The following MDGA2 variants were observed in gnomAD, a reference collection of about 807,000 sequenced individuals.
The protein encoded by MDGA2 is MAM domain containing glycosylphosphatidylinositol anchor 2, also known as MAM domain-containing glycosylphosphatidylinositol anchor protein 2.
MDGA2 carries 40 observed loss-of-function variants against 117.8 expected under a neutral mutation model. The ratio of observed to expected loss-of-function variants is 0.34; its 90% CI spans 0.26 to 0.44. The LOEUF (loss-of-function observed/expected upper bound fraction) is 0.44, where lower values mean the gene tolerates loss of function less well. Ranked by LOEUF, MDGA2 falls within the 20% of genes least tolerant of loss-of-function variation. MDGA2 has a pLI of 1.00. For missense variants in MDGA2, 1,123 were observed against 1,250.6 expected (o/e 0.90, Z 1.54); for synonymous variants, 452 against 439.0 (o/e 1.03, Z -0.37).
chr14:47,154,480 C>T (rs559565648), intron 3 of MDGA2, among the ~76,000 whole-genome samples: 41 of 152,274 alleles, frequency 2.7e-4, no homozygotes, highest in African/African-American at 9.9e-4. Context: ...CAGCAGTGGA[C>T]CCGGACATCC....
At chr14:47,652,003 A>C (rs2138271407) in intron 1 of MDGA2, among the ~76,000 whole-genome samples, 1 of 152,288 alleles carries the variant, frequency 6.6e-6, no homozygotes, top group East Asian at 1.9e-4. Flanking sequence ...TCTGGAGCTC[A>C]GAACAAAGAC....
intron 8 of MDGA2, among the ~76,000 whole-genome samples, chr14:46,986,236 TCA>T (rs917868924): frequency 6.6e-6 from 1 of 152,054 alleles, no homozygotes; most frequent in African/African-American, 2.4e-5. Flanking sequence ...AAGAACAGTG[TCA>T]CACGCAGAAC....
At chr14:47,566,935 G>A (rs1895930499) in intron 1 of MDGA2, among the ~76,000 whole-genome samples, 1 of 150,842 alleles carries the variant, frequency 6.6e-6, no homozygotes, top group South Asian at 2.1e-4. Flanking sequence ...TTGAGAGAAG[G>A]TTTTGCTCTG....
intron 2 of MDGA2, among the ~76,000 whole-genome samples, chr14:47,263,229 T>C (rs1887856827): frequency 6.6e-6 from 1 of 152,126 alleles, no homozygotes. Context: ...TATGTTTTCA[T>C]GTCTCACAAT....
chr14:47,143,683 T>G (rs1882817851), intron 4 of MDGA2, among the ~76,000 whole-genome samples: 1 of 152,054 alleles, frequency 6.6e-6, no homozygotes. Context: ...TTCAAACAAG[T>G]TTCTTCATTT....
chr14:46,971,897 G>A (rs76886307), intron 8 of MDGA2, among the ~76,000 whole-genome samples: 1 of 152,104 alleles, frequency 6.6e-6, no homozygotes, highest in East Asian at 1.9e-4. Context: ...CAGTACAATT[G>A]TTTTAAATCC....
intron 14 of MDGA2, chr14:46,870,875 A>G (rs1310046004): frequency 6.6e-6 from 1 of 151,996 alleles, no homozygotes; most frequent in African/African-American, 2.4e-5. Flanking sequence ...TTTTAAAGTA[A>G]AGCCCTAAAA....
At chr14:47,143,594 A>G (rs1374256808) in intron 4 of MDGA2, among the ~76,000 whole-genome samples, 1 of 152,154 alleles carries the variant, frequency 6.6e-6, no homozygotes, top group Non-Finnish European at 1.5e-5. Flanking sequence ...TTAAAGCTCT[A>G]TTTCTAAACC....
intron 1 of MDGA2, among the ~76,000 whole-genome samples, chr14:47,561,151 TTG>T (rs1491398062): frequency 0.029 from 2,696 of 92,642 alleles, 187 homozygotes; most frequent in Middle Eastern, 0.045. Flanking sequence ...GTTTTTTTTT[TTG>T]TTTTGTTTTG....
At chr14:47,200,951 A>T in intron 3 of MDGA2, 1 of 832,772 alleles carries the variant, frequency 1.2e-6, no homozygotes, top group Non-Finnish European at 2.1e-6. Flanking sequence ...CCGAACTTCA[A>T]CTTGTTTCTG....
chr14:47,599,220 C>G (rs527733890), intron 1 of MDGA2, among the ~76,000 whole-genome samples: 11 of 151,740 alleles, frequency 7.2e-5, no homozygotes, highest in Admixed American at 5.9e-4. Flanking sequence ...TAACTTAAAA[C>G]GAATCTGTTA....
chr14:47,169,202 C>A (rs1207591136), intron 3 of MDGA2, among the ~76,000 whole-genome samples: 1 of 151,918 alleles, frequency 6.6e-6, no homozygotes, highest in Non-Finnish European at 1.5e-5. Context: ...TATATTGAAT[C>A]TCAGCTTACT....
intron 5 of MDGA2, among the ~76,000 whole-genome samples, chr14:47,118,950 C>T (rs913583607): frequency 1.3e-4 from 20 of 152,084 alleles, no homozygotes; most frequent in African/African-American, 4.6e-4. Flanking sequence ...ATTGCCCAGG[C>T]TGGTCTCAAA....
intron 2 of MDGA2, among the ~76,000 whole-genome samples, chr14:47,295,627 G>A (rs1889038408): frequency 6.6e-6 from 1 of 152,142 alleles, no homozygotes; most frequent in South Asian, 2.1e-4. Context: ...TTATAGGCCG[G>A]GCGCAGTGGC....
intron 7 of MDGA2, among the ~76,000 whole-genome samples, chr14:47,053,636 TATATATATATATATATATAC>T (rs1163222565): frequency 0.024 from 2,381 of 99,082 alleles, 80 homozygotes; most frequent in African/African-American, 0.053. Context: ...TATATATATA[TATATATATATATATATATAC>T]ACACACACAC....
chr14:47,478,523 C>T (rs1893888824), intron 1 of MDGA2, among the ~76,000 whole-genome samples: 1 of 151,808 alleles, frequency 6.6e-6, no homozygotes, highest in Admixed American at 6.6e-5. Context: ...TACAGGTGCC[C>T]GATACCATGA....
intron 1 of MDGA2, among the ~76,000 whole-genome samples, chr14:47,480,354 G>T (rs1893926442): frequency 6.6e-6 from 1 of 151,952 alleles, no homozygotes; most frequent in Admixed American, 6.6e-5. Context: ...CAAGGAAATT[G>T]TTCCTAGCAT....
At chr14:47,182,300 T>A (rs1360553850) in intron 3 of MDGA2, among the ~76,000 whole-genome samples, 2 of 152,146 alleles carry the variant, frequency 1.3e-5, no homozygotes, top group African/African-American at 4.8e-5. Context: ...GACTAAGTTA[T>A]GTACCCCACA....
intron 1 of MDGA2, among the ~76,000 whole-genome samples, chr14:47,612,288 G>A (rs1197218573): frequency 6.6e-6 from 1 of 151,826 alleles, no homozygotes; most frequent in Non-Finnish European, 1.5e-5. Context: ...CTGTCATCTG[G>A]CATAAAGTGT....
Sources: allele counts gnomAD v4.1 joint callset (sites outside exome capture counted in the v4.1 genomes callset), GRCh38; gene constraint gnomAD v4.1.1; transcripts MANE v1.5; gene names NCBI Gene and HGNC (gene_info 2026-07-23, HGNC 2026-07-21).